PRR16: variants seen among roughly 807,000 people sequenced by gnomAD.
PRR16 encodes proline rich 16.
A neutral mutation model predicts 18.2 loss-of-function variants in PRR16; 6 were observed. That is an observed-to-expected ratio of 0.33 (90% CI 0.18 to 0.65). The LOEUF (loss-of-function observed/expected upper bound fraction) is 0.65, where lower values mean the gene tolerates loss of function less well. Among genes scored for constraint, PRR16 ranks in the 30% least tolerant of loss-of-function variants. The probability of loss-of-function intolerance (pLI) is 0.74; values close to 1 mark genes in which losing one functional copy is unlikely to be tolerated. For missense variants in PRR16, 412 were observed against 376.6 expected, an observed-to-expected ratio of 1.09 and a Z score of -0.78; for synonymous variants, 151 against 147.8, an observed-to-expected ratio of 1.02 and a Z score of -0.16.
chr5:120,777,725 T>TA, the PRR16 span, among the ~76,000 whole-genome samples: 538 of 152,252 alleles, frequency 3.5e-3, 7 homozygotes, highest in African/African-American at 0.012. Flanking sequence ...AGTGTCTTAC[T>TA]AAGTTTATTG....
the PRR16 span, chr5:120,781,458 CAG>C: frequency 7.3e-4 from 111 of 152,228 alleles, no homozygotes; most frequent in African/African-American, 2.5e-3. Context: ...CTAGAGGAAA[CAG>C]AGCAAAGTCT....
intron 1 of PRR16, among the ~76,000 whole-genome samples, chr5:120,549,163 A>G (rs1752172056): frequency 6.6e-6 from 1 of 151,972 alleles, no homozygotes; most frequent in African/African-American, 2.4e-5. Flanking sequence ...TGGGGTGAAT[A>G]CTGCTCCCTG....
intron 1 of PRR16, among the ~76,000 whole-genome samples, chr5:120,568,635 A>G (rs1470515703): frequency 6.6e-6 from 1 of 152,160 alleles, no homozygotes; most frequent in Non-Finnish European, 1.5e-5. Flanking sequence ...TATATACCAT[A>G]GCAGATATGC....
intron 1 of PRR16, among the ~76,000 whole-genome samples, chr5:120,565,188 C>CTTTCATGTT (rs1752698711): frequency 6.6e-6 from 1 of 151,958 alleles, no homozygotes; most frequent in Non-Finnish European, 1.5e-5. Context: ...TACTTAAGCA[C>CTTTCATGTT]TTTCATGTTT....
intron 1 of PRR16, among the ~76,000 whole-genome samples, chr5:120,563,591 C>T (rs1752644226): frequency 6.6e-6 from 1 of 152,122 alleles, no homozygotes; most frequent in Non-Finnish European, 1.5e-5. Context: ...GATCTTCATT[C>T]AGCTTGTGGT....
chr5:120,645,322 A>C (rs1202039952), intron 1 of PRR16, among the ~76,000 whole-genome samples: 2 of 151,856 alleles, frequency 1.3e-5, no homozygotes, highest in South Asian at 4.1e-4. Context: ...TTGGTTACAC[A>C]CACAGACACA....
At chr5:120,512,934 T>C (rs1750876232) in intron 1 of PRR16, among the ~76,000 whole-genome samples, 1 of 152,080 alleles carries the variant, frequency 6.6e-6, no homozygotes, top group Non-Finnish European at 1.5e-5. Flanking sequence ...TATGCTATAA[T>C]AAAGGGAGGG....
intron 1 of PRR16, among the ~76,000 whole-genome samples, chr5:120,488,068 T>A (rs1278698293): frequency 6.6e-6 from 1 of 152,218 alleles, no homozygotes. Context: ...TATTGAGGAT[T>A]TTTGCATCGA....
intron 1 of PRR16, among the ~76,000 whole-genome samples, chr5:120,480,549 C>T (rs1749578208): frequency 6.6e-6 from 1 of 152,124 alleles, no homozygotes; most frequent in Non-Finnish European, 1.5e-5. Context: ...CAATGTAGTA[C>T]TATCTAATGG....
intron 1 of PRR16, among the ~76,000 whole-genome samples, chr5:120,479,456 A>G (rs536407533): frequency 9.2e-5 from 14 of 152,318 alleles, no homozygotes; most frequent in African/African-American, 2.9e-4. Context: ...AAGAAATATT[A>G]TATACCGGAA....
At chr5:120,497,321 T>G (rs1423382754) in intron 1 of PRR16, among the ~76,000 whole-genome samples, 2 of 99,028 alleles carry the variant, frequency 2.0e-5, no homozygotes, top group Non-Finnish European at 4.4e-5. Context: ...TATAATTGTG[T>G]TTTTTTTTTC....
intron 1 of PRR16, among the ~76,000 whole-genome samples, chr5:120,629,722 A>G (rs13175772): frequency 0.038 from 5,737 of 149,092 alleles, 162 homozygotes; most frequent in Non-Finnish European, 0.057. Context: ...TTCAGTTAAG[A>G]TCAGTTAGTA....
the PRR16 span, among the ~76,000 whole-genome samples, chr5:120,784,369 A>C: frequency 6.6e-6 from 1 of 151,916 alleles, no homozygotes; most frequent in Non-Finnish European, 1.5e-5. Flanking sequence ...GCTAGCATTT[A>C]TTATTTTCTC....
At chr5:120,486,263 A>C (rs1483900933) in intron 1 of PRR16, among the ~76,000 whole-genome samples, 3 of 152,104 alleles carry the variant, frequency 2.0e-5, no homozygotes, top group Admixed American at 2.0e-4. Flanking sequence ...TACAGTTCCA[A>C]CAGCAGTGTA....
intron 1 of PRR16, among the ~76,000 whole-genome samples, chr5:120,628,521 A>G (rs966128201): frequency 1.3e-4 from 20 of 152,194 alleles, no homozygotes; most frequent in African/African-American, 4.8e-4. Flanking sequence ...TTTTTCTCCC[A>G]TACGGTGATA....
chr5:120,773,385 TACTA>T, the PRR16 span, among the ~76,000 whole-genome samples: 3 of 152,180 alleles, frequency 2.0e-5, no homozygotes, highest in Non-Finnish European at 2.9e-5. Flanking sequence ...AGTAAGTTCA[TACTA>T]ACTGTTTAAA....
chr5:120,784,813 A>T, the PRR16 span, among the ~76,000 whole-genome samples: 1 of 152,208 alleles, frequency 6.6e-6, no homozygotes, highest in Admixed American at 6.5e-5. Context: ...GACATTGAAC[A>T]TCTTATTCAA....
the PRR16 span, among the ~76,000 whole-genome samples, chr5:120,703,483 C>A: frequency 2.6e-5 from 4 of 152,166 alleles, no homozygotes; most frequent in Non-Finnish European, 5.9e-5. Context: ...GAGTGCTATC[C>A]TGTGCATTGA....
At chr5:120,616,648 A>G (rs1338064637) in intron 1 of PRR16, among the ~76,000 whole-genome samples, 2 of 152,068 alleles carry the variant, frequency 1.3e-5, no homozygotes, top group Non-Finnish European at 2.9e-5. Context: ...GATATGCTTG[A>G]CTGTCTCTTC....
Sources: gnomAD v4.1 joint callset for allele counts (sites outside exome capture counted in the v4.1 genomes callset) on GRCh38, gnomAD v4.1.1 for gene constraint, MANE v1.5 for transcripts, NCBI Gene and HGNC (gene_info 2026-07-23, HGNC 2026-07-21) for gene names.